Variants in EXT2 observed in about 807,000 individuals in gnomAD.
The protein encoded by EXT2 is exostosin glycosyltransferase 2, also known as exostosin-2.
A neutral mutation model predicts 81.6 loss-of-function variants in EXT2; 53 were observed. That is an observed-to-expected ratio of 0.65 (90% CI 0.52 to 0.82). The LOEUF is 0.82. EXT2 is among the 40% of genes least tolerant of loss of function. The pLI, the probability that EXT2 is intolerant of heterozygous loss-of-function variation, is 0.00. For missense variants in EXT2, 774 were observed against 910.2 expected (o/e 0.85, Z 1.93); for synonymous variants, 320 against 340.0 (o/e 0.94, Z 0.65).
At chr11:44,244,102 C>T in intron 13 of EXT2, 47 bp from the exon 14 acceptor site, 1 of 1,584,998 alleles carries the variant, frequency 6.3e-7, no homozygotes, top group East Asian at 2.2e-5. Context: ...CCATCCTTCT[C>T]ATTCTGCTCA....
At chr11:44,158,787 T>G (rs2135100369) in intron 7 of EXT2, among the ~76,000 whole-genome samples, 1 of 152,066 alleles carries the variant, frequency 6.6e-6, no homozygotes, top group South Asian at 2.1e-4. Context: ...TACTGACAAA[T>G]TTCCTCAATT....
chr11:44,214,305 G>C (rs1469217148), intron 10 of EXT2, among the ~76,000 whole-genome samples: 5 of 152,070 alleles, frequency 3.3e-5, no homozygotes, highest in East Asian at 1.9e-4. Flanking sequence ...TAGTAGAGAC[G>C]GGGTTTAACC....
chr11:44,188,844 A>G (rs941525395), intron 8 of EXT2, among the ~76,000 whole-genome samples: 1 of 152,214 alleles, frequency 6.6e-6, no homozygotes, highest in African/African-American at 2.4e-5. Flanking sequence ...GAGTTCCAGA[A>G]GAAGAGGTGG....
At position 44,183,664 on chromosome 11, in the gene EXT2, T is replaced by G. The variant is rs986212497; in HGVS notation, c.1305+11922T>G. ...CACATTTTTCTCTCTCTGTGCTGCATGCTAGATAACTTTTTCACATCTATT... is the reference window on the plus strand; with the variant it reads ...CACATTTTTCTCTCTCTGTGCTGCAGGCTAGATAACTTTTTCACATCTATT... On this transcript the variant is annotated intron_variant, in intron 8 of 13. Transcript: ENST00000533608. Among the ~76,000 whole-genome samples the G allele has an allele frequency of 2.6e-5, 4 of 152,168 alleles. No homozygotes were observed. In the East Asian group the frequency reaches 7.7e-4, roughly 29 times the overall value.
intron 8 of EXT2, among the ~76,000 whole-genome samples, chr11:44,172,825 T>C (rs188484285): frequency 1.3e-5 from 2 of 152,066 alleles, no homozygotes; most frequent in Admixed American, 6.5e-5. Flanking sequence ...CCACCTGCCT[T>C]GTCCTCCCAA....
At chr11:44,232,576 A>C (rs1590666667) in intron 11 of EXT2, 80 bp downstream of exon 11, 4 of 1,557,422 alleles carry the variant, frequency 2.6e-6, no homozygotes, top group Non-Finnish European at 8.7e-7. Flanking sequence ...AATTTTTCAT[A>C]CCTGCCAAGA....
chr11:44,185,145 C>T (rs1483097885), intron 8 of EXT2, among the ~76,000 whole-genome samples: 27 of 152,156 alleles, frequency 1.8e-4, no homozygotes, highest in Admixed American at 1.3e-3. Context: ...ATGTACAAGT[C>T]TCACTTCTAA....
intron 7 of EXT2, among the ~76,000 whole-genome samples, chr11:44,160,768 G>A (rs1169936069): frequency 1.3e-5 from 2 of 152,056 alleles, no homozygotes; most frequent in Non-Finnish European, 2.9e-5. Flanking sequence ...GGTATTGCTG[G>A]GATATAAGGG....
chr11:44,153,728 T>C (rs1218616858), intron 7 of EXT2, among the ~76,000 whole-genome samples: 1 of 152,114 alleles, frequency 6.6e-6, no homozygotes, highest in African/African-American at 2.4e-5. Flanking sequence ...TGAATAAGTA[T>C]TGGATTTGGT....
rs150371411 is a variant in EXT2 at position 44,166,854 on chromosome 11, G to A, written c.1174-4757G>A. ...TAGGAACTGAGTTTAACTTCTGCTCGGATAAGAAACTGCCTTCTTTCAAAA... is the reference window on the plus strand; with the variant it reads ...TAGGAACTGAGTTTAACTTCTGCTCAGATAAGAAACTGCCTTCTTTCAAAA... On this transcript the variant is annotated intron_variant, in intron 7 of 13. Transcript: ENST00000533608. 4.3e-3 allele frequency among the ~76,000 whole-genome samples: 661 copies of A among 152,266 alleles called. 1 individual carries two copies. The highest frequency in any genetic ancestry group is 0.024 in the Middle Eastern group (7 of 294).
At chr11:44,173,563 CTTTT>C (rs66702988) in intron 8 of EXT2, among the ~76,000 whole-genome samples, 40 of 100,036 alleles carry the variant, frequency 4.0e-4, no homozygotes, top group African/African-American at 1.1e-3. Flanking sequence ...TTCTTTCTTT[CTTTT>C]TTTTTTTTTT....
intron 4 of EXT2, among the ~76,000 whole-genome samples, chr11:44,123,895 T>A (rs1954354823): frequency 1.3e-5 from 2 of 150,682 alleles, no homozygotes; most frequent in Middle Eastern, 3.4e-3. Context: ...CTTGTGGAGA[T>A]CTGCATGGCA....
At chr11:44,108,774 T>G (rs528881466) in intron 2 of EXT2, among the ~76,000 whole-genome samples, 3 of 152,364 alleles carry the variant, frequency 2.0e-5, no homozygotes, top group Non-Finnish European at 4.4e-5. Flanking sequence ...GCTTTTTCCC[T>G]TAATATATCA....
rs187773477 is a variant in EXT2 at position 44,172,376 on chromosome 11, T to A, written c.1305+634T>A. Among the ~76,000 whole-genome samples the A allele has an allele frequency of 1.3e-3, 202 of 152,290 alleles. 1 individual carries two copies. The highest frequency in any genetic ancestry group is 8.9e-3 in the South Asian group (43 of 4,814). The stretch of plus-strand genomic sequence containing the variant: ...TTGTAGAAACTGTGGCAGTGGCTTC[T>A]AGGCACAGCTTCTTTCTCACTGAAA... On this transcript the variant is annotated intron_variant, in intron 8 of 13. Transcript: ENST00000533608.
intron 10 of EXT2, among the ~76,000 whole-genome samples, chr11:44,221,076 C>T (rs1385702908): frequency 6.6e-6 from 1 of 152,152 alleles, no homozygotes; most frequent in Non-Finnish European, 1.5e-5. Flanking sequence ...ATTAATGAAA[C>T]ATCCAATGTA....
At chr11:44,125,671 G>A (rs1427457899) in intron 5 of EXT2, among the ~76,000 whole-genome samples, 2 of 145,608 alleles carry the variant, frequency 1.4e-5, no homozygotes, top group African/African-American at 5.0e-5. Flanking sequence ...ACACAAAGGA[G>A]CTGGTGTGAT....
chr11:44,150,265 G>A (rs1318834594), intron 7 of EXT2, among the ~76,000 whole-genome samples: 1 of 151,232 alleles, frequency 6.6e-6, no homozygotes, highest in Non-Finnish European at 1.5e-5. Context: ...ATTTAGTATG[G>A]CACAGAGTTT....
At chr11:44,203,644 C>T (rs1270148628) in intron 9 of EXT2, among the ~76,000 whole-genome samples, 1 of 152,092 alleles carries the variant, frequency 6.6e-6, no homozygotes, top group East Asian at 1.9e-4. Flanking sequence ...ACTGGGAAGC[C>T]AGTTGGGGTG....
At chr11:44,207,994 G>C (rs1955604133) in intron 10 of EXT2, among the ~76,000 whole-genome samples, 1 of 152,038 alleles carries the variant, frequency 6.6e-6, no homozygotes, top group African/African-American at 2.4e-5. Flanking sequence ...GCGATGCCCT[G>C]GATGATGTTG....
Sources: allele counts gnomAD v4.1 joint callset (sites outside exome capture counted in the v4.1 genomes callset), GRCh38; gene constraint gnomAD v4.1.1; transcripts MANE v1.5; gene names NCBI Gene and HGNC (gene_info 2026-07-23, HGNC 2026-07-21).